Variants in CIBAR1 observed in about 807,000 individuals in gnomAD.
The protein encoded by CIBAR1 is CBY1-interacting BAR domain-containing protein 1.
CIBAR1 carries 25 observed loss-of-function variants against 44.0 expected under a neutral mutation model. The ratio of observed to expected loss-of-function variants is 0.57; its 90% CI spans 0.41 to 0.79. The LOEUF (loss-of-function observed/expected upper bound fraction) is 0.79, where lower values mean the gene tolerates loss of function less well. Ranked by LOEUF, CIBAR1 falls within the 30% of genes least tolerant of loss-of-function variation. The probability of loss-of-function intolerance (pLI) is 0.00; values close to 1 mark genes in which losing one functional copy is unlikely to be tolerated. For synonymous variants in CIBAR1, 115 were observed against 119.0 expected, an observed-to-expected ratio of 0.97 and a Z score of 0.22; for missense variants, 278 against 344.8, an observed-to-expected ratio of 0.81 and a Z score of 1.53.
chr8:93,728,135 A>C (rs895015822), intron 8 of CIBAR1, 70 bp from the exon 9 acceptor site: 17 of 968,336 alleles, frequency 1.8e-5, no homozygotes, highest in Non-Finnish European at 2.3e-5. Context: ...ATAGCATAAA[A>C]ATATACCAAG....
Position 93,707,999 on chromosome 8 carries a change from G to GA in CIBAR1, c.433-7dup. 6.4e-7 allele frequency: 1 copy of GA among 1,558,050 alleles called. No homozygotes were observed. Among genetic ancestry groups the GA allele is most frequent in the Non-Finnish European group, 8.7e-7 (1 of 1,155,232 alleles). On this transcript the variant is annotated splice_polypyrimidine_tract_variant and intron_variant, in intron 4 of 8. Transcript: ENST00000518322. ...CTTTGAAATGTATTTTTTCCTTTAT[G>GA]AAAAATTTCAGTCACAGGTGGGTAA...
At chr8:93,709,377 GGA>G (rs1396004729) in intron 5 of CIBAR1, among the ~76,000 whole-genome samples, 1 of 152,182 alleles carries the variant, frequency 6.6e-6, no homozygotes, top group Admixed American at 6.5e-5. Flanking sequence ...AATGGCTAAT[GGA>G]GAGAGAGACA....
intron 7 of CIBAR1, 100 bp downstream of exon 7, chr8:93,718,888 G>C: frequency 4.4e-6 from 3 of 688,286 alleles, no homozygotes; most frequent in Non-Finnish European, 6.7e-6. Context: ...TTTTGAGACA[G>C]AGTCTCACTC....
chr8:93,721,833 A>G (rs1811276248), intron 7 of CIBAR1, among the ~76,000 whole-genome samples: 1 of 152,104 alleles, frequency 6.6e-6, no homozygotes, highest in South Asian at 2.1e-4. Context: ...GAAAAAAAAA[A>G]AGTGTTGTGT....
intron 4 of CIBAR1, chr8:93,706,028 C>G (rs995111923): frequency 6.6e-6 from 1 of 152,164 alleles, no homozygotes; most frequent in Non-Finnish European, 1.5e-5. Context: ...TATATGTCTC[C>G]TTCCTGCTTC....
chr8:93,716,261 C>G (rs1789160902), intron 6 of CIBAR1: 1 of 151,832 alleles, frequency 6.6e-6, no homozygotes, highest in Admixed American at 6.6e-5. Flanking sequence ...CCAGGGTAGT[C>G]TAGAACTCCT....
intron 6 of CIBAR1, among the ~76,000 whole-genome samples, chr8:93,712,262 G>A (rs1360190742): frequency 6.6e-6 from 1 of 152,124 alleles, no homozygotes; most frequent in African/African-American, 2.4e-5. Context: ...ACTAATTTAT[G>A]GATTGAGCTA....
In CIBAR1 at chr8:93,718,656, A is replaced by G. The variant is rs778224531; in HGVS notation, c.544-19A>G. ...AAATTTAAATCATTGTTTAAATTCA[A>G]TTCTTTGGTTTTTTTTAGACTATAT... On this transcript the variant is annotated intron_variant, in intron 6 of 8. Coordinates refer to ENST00000518322, the MANE Select transcript of CIBAR1 (RefSeq NM_145269.5). The G allele has an allele frequency of 5.8e-6, 8 of 1,368,882 alleles. No individual in the cohort carries two copies. The highest frequency in any genetic ancestry group is 4.1e-5 in the South Asian group (3 of 73,804). The allele number at this position is 1,368,882 out of a possible 1,614,324, so 84.8% of individuals were successfully genotyped here.
intron 7 of CIBAR1, among the ~76,000 whole-genome samples, chr8:93,720,486 A>G (rs964776555): frequency 1.1e-4 from 16 of 152,182 alleles, no homozygotes; most frequent in Admixed American, 3.9e-4. Flanking sequence ...ATATTTCTCT[A>G]TTTGTCAATC....
At chr8:93,703,379 G>A (rs1241953048) in intron 2 of CIBAR1, among the ~76,000 whole-genome samples, 2 of 152,094 alleles carry the variant, frequency 1.3e-5, no homozygotes, top group African/African-American at 4.8e-5. Context: ...ACTACTTTAA[G>A]GTAAAAAAGT....
At chr8:93,703,105 G>A (rs2130277816) in intron 2 of CIBAR1, among the ~76,000 whole-genome samples, 1 of 152,186 alleles carries the variant, frequency 6.6e-6, no homozygotes, top group Non-Finnish European at 1.5e-5. Context: ...CATTTATCTT[G>A]TTCTGTAGGC....
intron 7 of CIBAR1, chr8:93,724,641 A>G: frequency 8.3e-7 from 1 of 1,197,656 alleles, no homozygotes; most frequent in South Asian, 1.5e-5. Flanking sequence ...TTGGTCTTCT[A>G]GGTAAAAGAT....
At position 93,730,354 on chromosome 8, in the gene CIBAR1, C is replaced by T. The variant is rs545458384; in HGVS notation, c.*2057C>T. 2.0e-4 allele frequency: 31 copies of T among 152,198 alleles called. No homozygotes were observed. The highest frequency in any genetic ancestry group is 1.9e-4 in the East Asian group (1 of 5,178). 9.4% of individuals were successfully genotyped at this position (152,198 alleles called of 1,614,324 possible). A position where few individuals can be genotyped will look rare whatever the true frequency, so the allele number is the denominator to read the frequency against. On this transcript the variant is annotated 3_prime_UTR_variant, in exon 9 of 9. Transcript: ENST00000518322. ...CACTCCTAACATGATTTTTACCTAT[C>T]TCTTGGTTGTGGGATTGACTTTCTA...
At chr8:93,708,053 T>C in intron 5 of CIBAR1, 37 bp downstream of exon 5, 1 of 1,508,640 alleles carries the variant, frequency 6.6e-7, no homozygotes, top group Non-Finnish European at 8.9e-7. Context: ...AATGGATCCT[T>C]ATAGTAAACC....
Position 93,701,329 on chromosome 8 carries a change from G to A in CIBAR1, c.132G>A (p.Leu44=), listed in dbSNP as rs755576411. ...FAAYVRKTAR[L]RDKADLLVNE... is the part of the protein sequence containing the mutation. Reference sequence around the variant, plus strand: ...CCTATGTGCGGAAAACTGCCAGGCTGAGAGACAAAGCAGACCTCCTGGTGA... The same window carrying A: ...CCTATGTGCGGAAAACTGCCAGGCTAAGAGACAAAGCAGACCTCCTGGTGA... The change falls in exon 2 of 9, where the codon CTG becomes CTA. Residue 44 remains leucine (L), a synonymous_variant. Transcript: ENST00000518322. 1.2e-5 allele frequency: 20 copies of A among 1,613,926 alleles called. No individual in the cohort carries two copies. In the African/African-American group the frequency reaches 1.9e-4, roughly 15 times the overall value.
rs1486721145 is a variant in CIBAR1 at position 93,705,081 on chromosome 8, T to C, written c.432+71T>C. The C allele has an allele frequency of 5.1e-6, 5 of 976,284 alleles. No homozygotes were observed. In the African/African-American group the frequency reaches 6.5e-5, roughly 13 times the overall value. The allele number at this position is 976,284 out of a possible 1,614,324, so 60.5% of individuals were successfully genotyped here. Reference sequence around the variant, plus strand: ...GTACAAAAGTAAATGTATATAGAAATTGTGCATTTTTACTTTTAAACGAGT... The same window carrying C: ...GTACAAAAGTAAATGTATATAGAAACTGTGCATTTTTACTTTTAAACGAGT... On this transcript the variant is annotated intron_variant, in intron 4 of 8. Coordinates refer to ENST00000518322, the MANE Select transcript of CIBAR1 (RefSeq NM_145269.5).
chr8:93,724,852 A>G (rs1306786848), intron 7 of CIBAR1, among the ~76,000 whole-genome samples: 1 of 152,166 alleles, frequency 6.6e-6, no homozygotes, highest in African/African-American at 2.4e-5. Flanking sequence ...ATCATCTCAG[A>G]AAGTTCTTCT....
chr8:93,709,047 G>A (rs540901242), intron 5 of CIBAR1, among the ~76,000 whole-genome samples: 2 of 152,298 alleles, frequency 1.3e-5, no homozygotes, highest in African/African-American at 4.8e-5. Context: ...GGGAGGCTGA[G>A]GCTGGTGGAT....
At chr8:93,707,723 G>T (rs936742590) in intron 4 of CIBAR1, among the ~76,000 whole-genome samples, 34 of 152,188 alleles carry the variant, frequency 2.2e-4, no homozygotes, top group Non-Finnish European at 4.3e-4. Flanking sequence ...TTGATTCCTG[G>T]TTATGATTAA....
Sources: gnomAD v4.1 joint callset for allele counts (sites outside exome capture counted in the v4.1 genomes callset) on GRCh38, gnomAD v4.1.1 for gene constraint, MANE v1.5 for transcripts, NCBI Gene and HGNC (gene_info 2026-07-23, HGNC 2026-07-21) for gene names.